The following PIK3CB variants were observed in gnomAD, a reference collection of about 807,000 sequenced individuals.
PIK3CB encodes the protein phosphatidylinositol-4,5-bisphosphate 3-kinase catalytic subunit beta.
PIK3CB carries 39 observed loss-of-function variants against 136.8 expected under a neutral mutation model. The ratio of observed to expected loss-of-function variants is 0.29; its 90% CI spans 0.22 to 0.37. The LOEUF (loss-of-function observed/expected upper bound fraction) is 0.37, where lower values mean the gene tolerates loss of function less well. Ranked by LOEUF, PIK3CB falls within the 10% of genes least tolerant of loss-of-function variation. The probability of loss-of-function intolerance (pLI) is 1.00; values close to 1 mark genes in which losing one functional copy is unlikely to be tolerated. For missense variants in PIK3CB, 868 were observed against 1,275.4 expected, an observed-to-expected ratio of 0.68 and a Z score of 4.87; for synonymous variants, 428 against 436.6, an observed-to-expected ratio of 0.98 and a Z score of 0.25.
intron 2 of PIK3CB, among the ~76,000 whole-genome samples, chr3:138,781,376 G>A (rs1321051632): frequency 1.3e-5 from 2 of 151,978 alleles, no homozygotes; most frequent in Admixed American, 6.5e-5. Context: ...CACTTTAGGA[G>A]ATGGAGGTAG....
intron 1 of PIK3CB, among the ~76,000 whole-genome samples, chr3:138,816,394 GA>G (rs1559889922): frequency 6.6e-6 from 1 of 151,970 alleles, no homozygotes; most frequent in East Asian, 1.9e-4. Context: ...AAGAGTTTGA[GA>G]CCAGCCTGGC....
At chr3:138,823,815 T>C (rs1933666721) in intron 1 of PIK3CB, among the ~76,000 whole-genome samples, 2 of 152,222 alleles carry the variant, frequency 1.3e-5, no homozygotes, top group Admixed American at 6.5e-5. Context: ...TCTGAAATAC[T>C]GATTACTTAA....
chr3:138,777,217 T>C (rs151202512), intron 2 of PIK3CB, among the ~76,000 whole-genome samples: 3 of 152,270 alleles, frequency 2.0e-5, no homozygotes, highest in Non-Finnish European at 2.9e-5. Context: ...CTGCCAAATG[T>C]GATGAGAGGT....
chr3:138,673,969 C>T (rs1350538455), intron 19 of PIK3CB, among the ~76,000 whole-genome samples: 1 of 152,136 alleles, frequency 6.6e-6, no homozygotes, highest in Non-Finnish European at 1.5e-5. Flanking sequence ...CTGACTCAGA[C>T]CTCACCTAGC....
intron 2 of PIK3CB, among the ~76,000 whole-genome samples, chr3:138,780,180 G>A (rs558571592): frequency 7.9e-5 from 12 of 152,124 alleles, no homozygotes; most frequent in East Asian, 7.7e-4. Flanking sequence ...GACTGGTCTC[G>A]AACTCCCGAC....
At chr3:138,754,775 AT>A (rs1452738565) in intron 4 of PIK3CB, among the ~76,000 whole-genome samples, 1 of 152,204 alleles carries the variant, frequency 6.6e-6, no homozygotes, top group Non-Finnish European at 1.5e-5. Flanking sequence ...AAAGAATAGT[AT>A]TTTAAAGGGG....
chr3:138,722,316 C>G (rs2044746070), intron 8 of PIK3CB, among the ~76,000 whole-genome samples: 1 of 150,754 alleles, frequency 6.6e-6, no homozygotes, highest in African/African-American at 2.4e-5. Flanking sequence ...ATAAATAAAA[C>G]AAAACATACA....
chr3:138,716,893 C>CAAAAAAA (rs376627250), intron 8 of PIK3CB, among the ~76,000 whole-genome samples: 3 of 11,090 alleles, frequency 2.7e-4, no homozygotes, highest in African/African-American at 4.8e-4. Context: ...GATTGTGTCT[C>CAAAAAAA]AAAAAAAAAA....
chr3:138,740,873 G>T (rs972216288), intron 5 of PIK3CB, among the ~76,000 whole-genome samples: 3 of 151,960 alleles, frequency 2.0e-5, no homozygotes, highest in Admixed American at 2.0e-4. Context: ...TGAACTCCTG[G>T]GTTCAAGAGA....
chr3:138,800,668 A>G (rs1036076663), intron 1 of PIK3CB, among the ~76,000 whole-genome samples: 2 of 151,976 alleles, frequency 1.3e-5, no homozygotes, highest in African/African-American at 2.4e-5. Flanking sequence ...TCTGTCACCC[A>G]TGCTGGAGTG....
At chr3:138,763,252 C>T (rs1047490036) in intron 2 of PIK3CB, among the ~76,000 whole-genome samples, 5 of 152,054 alleles carry the variant, frequency 3.3e-5, no homozygotes, top group Non-Finnish European at 5.9e-5. Context: ...AATTCTCCTG[C>T]TTCAGCCTCC....
chr3:138,801,785 C>T (rs1465994239), intron 1 of PIK3CB, among the ~76,000 whole-genome samples: 1 of 150,120 alleles, frequency 6.7e-6, no homozygotes, highest in African/African-American at 2.5e-5. Flanking sequence ...ATTGCTTGAA[C>T]CCGGGAGGCA....
chr3:138,747,121 G>A (rs1390701666), intron 4 of PIK3CB, among the ~76,000 whole-genome samples: 1 of 93,286 alleles, frequency 1.1e-5, no homozygotes, highest in Non-Finnish European at 2.0e-5. Context: ...TATGGCATTT[G>A]CAGGCACAAT....
intron 4 of PIK3CB, among the ~76,000 whole-genome samples, chr3:138,753,799 C>T (rs1193000022): frequency 6.6e-6 from 1 of 151,760 alleles, no homozygotes; most frequent in Non-Finnish European, 1.5e-5. Context: ...GAAAGAGACC[C>T]TATTTAAAAA....
At chr3:138,779,349 A>C (rs1401381245) in intron 2 of PIK3CB, among the ~76,000 whole-genome samples, 1 of 145,622 alleles carries the variant, frequency 6.9e-6, no homozygotes, top group Non-Finnish European at 1.5e-5. Flanking sequence ...GCCTCCCAAA[A>C]TGCTGGGATT....
intron 8 of PIK3CB, among the ~76,000 whole-genome samples, chr3:138,722,352 T>G (rs983444119): frequency 5.3e-5 from 8 of 152,092 alleles, no homozygotes; most frequent in African/African-American, 1.4e-4. Context: ...ATCTGTTGTA[T>G]GGGAGGTTAT....
chr3:138,817,614 A>ACCAG (rs1338092555), intron 1 of PIK3CB, among the ~76,000 whole-genome samples: 4 of 152,164 alleles, frequency 2.6e-5, no homozygotes, highest in African/African-American at 9.7e-5. Flanking sequence ...AAAATACACA[A>ACCAG]CCAGGTAAAG....
At chr3:138,816,361 A>C (rs1576429914) in intron 1 of PIK3CB, among the ~76,000 whole-genome samples, 1 of 152,300 alleles carries the variant, frequency 6.6e-6, no homozygotes, top group East Asian at 1.9e-4. Context: ...TGGGAGACCA[A>C]GGCGGGTGGA....
At chr3:138,702,071 G>A (rs1226747892) in intron 12 of PIK3CB, among the ~76,000 whole-genome samples, 1 of 150,302 alleles carries the variant, frequency 6.7e-6, no homozygotes, top group African/African-American at 2.4e-5. Flanking sequence ...GTAGGTGGGA[G>A]TCACAGAGAG....
Sources: allele counts gnomAD v4.1 joint callset (sites outside exome capture counted in the v4.1 genomes callset), GRCh38; gene constraint gnomAD v4.1.1; transcripts MANE v1.5; gene names NCBI Gene and HGNC (gene_info 2026-07-23, HGNC 2026-07-21).